Variants in STAT3 observed in about 807,000 individuals in gnomAD.
STAT3 encodes the protein signal transducer and activator of transcription 3, also known as DNA-binding protein APRF.
In STAT3, 7 loss-of-function variants were observed where a neutral mutation model predicts 114.3. The observed-to-expected ratio is 0.06, with a 90% CI of 0.03 to 0.11. The LOEUF (loss-of-function observed/expected upper bound fraction) is 0.11, where lower values mean the gene tolerates loss of function less well. Among genes scored for constraint, STAT3 ranks in the 10% least tolerant of loss-of-function variants. The pLI is 1.00. For synonymous variants in STAT3, 331 were observed against 354.5 expected (o/e 0.93, Z 0.74); for missense variants, 364 against 960.9 (o/e 0.38, Z 8.21).
chr17:42,329,747 CCT>C lies in STAT3; in HGVS notation c.1137_1138del (p.Gly380IlefsTer5). On this transcript the variant is annotated frameshift_variant and splice_region_variant, in exon 12 of 24. Transcript: ENST00000264657. LOFTEE classifies it high-confidence loss of function. ...AAGGAAGCCTCTAGGCTGAACTTAC[CCT>C]CTGAGAGCTGCAACGTCCCCAGAGT... 6.2e-7 allele frequency: 1 copy of C among 1,614,178 alleles called. No individual in the cohort carries two copies. Among genetic ancestry groups the C allele is most frequent in the Non-Finnish European group, 8.5e-7 (1 of 1,180,026 alleles).
chr17:42,346,531 G>C (rs779138097), intron 3 of STAT3, 38 bp downstream of exon 3: 1 of 1,613,796 alleles, frequency 6.2e-7, no homozygotes, highest in Non-Finnish European at 8.5e-7. Context: ...CCGACTCTGC[G>C]GGTCCTGTTT....
At chr17:42,373,012 C>T (rs1388034456) in intron 1 of STAT3, among the ~76,000 whole-genome samples, 4 of 152,140 alleles carry the variant, frequency 2.6e-5, no homozygotes, top group African/African-American at 9.7e-5. Flanking sequence ...TGGAAACTCT[C>T]TGTACTTTCC....
chr17:42,367,946 C>T (rs922220776), intron 1 of STAT3, among the ~76,000 whole-genome samples: 5 of 152,204 alleles, frequency 3.3e-5, no homozygotes, highest in Admixed American at 3.3e-4. Flanking sequence ...GCATAAACTG[C>T]CCTTCCTTAA....
intron 1 of STAT3, among the ~76,000 whole-genome samples, chr17:42,357,035 G>A (rs1291476401): frequency 6.6e-6 from 1 of 152,094 alleles, no homozygotes; most frequent in Admixed American, 6.6e-5. Flanking sequence ...TGATCTGCCT[G>A]CCTCAGCCTC....
At chr17:42,342,909 ATCT>A (rs1371018609) in intron 4 of STAT3, among the ~76,000 whole-genome samples, 1 of 150,716 alleles carries the variant, frequency 6.6e-6, no homozygotes, top group Non-Finnish European at 1.5e-5. Context: ...TTTGAACATG[ATCT>A]TCTTTCTGCC....
intron 3 of STAT3, among the ~76,000 whole-genome samples, 158 bp from the exon 4 acceptor site, chr17:42,345,815 G>A (rs1042099271): frequency 2.1e-4 from 31 of 149,952 alleles, no homozygotes; most frequent in African/African-American, 6.2e-4. Flanking sequence ...GCTCTCTGTC[G>A]GCGGGGGGCG....
rs753951483 is a variant in STAT3, at chr17:42,315,830, A to T, written c.2258-30T>A. ...AGGGACAGACAGGGAAAACTAGTTC[A>T]GTTGTCCACCCTCTGCAACTGGCAG... On this transcript the variant is annotated intron_variant, in intron 23 of 23. Coordinates refer to ENST00000264657, the MANE Select transcript of STAT3 (RefSeq NM_139276.3). 12 of 1,613,940 alleles carry T rather than the reference A, an allele frequency of 7.4e-6. 1 individual carries two copies. The South Asian group carries it at 1.3e-4, about 18-fold the overall frequency.
chr17:42,326,958 A>G (rs989479587), intron 14 of STAT3, among the ~76,000 whole-genome samples: 15 of 152,334 alleles, frequency 9.8e-5, no homozygotes, highest in Non-Finnish European at 1.5e-4. Context: ...AGGTGGTCAC[A>G]AACAAACTGC....
Position 42,337,470 on chromosome 17 carries a change from G to T in STAT3, c.762C>A (p.Gly254=). 1 of 1,614,130 alleles carries T rather than the reference G, an allele frequency of 6.2e-7. No individual in the cohort carries two copies. Among genetic ancestry groups the T allele is most frequent in the Non-Finnish European group, 8.5e-7 (1 of 1,180,022 alleles). Residue 254 remains glycine (G), a synonymous_variant, in exon 8 of 24, where the codon GGC becomes GGA. Coordinates refer to ENST00000264657, the MANE Select transcript of STAT3 (RefSeq NM_139276.3). This position sits in a 1 kb window ranked among gnomAD's most constrained non-coding sequence, Gnocchi z 4.0. The stretch of plus-strand genomic sequence containing the variant: ...GCCGATCTAGGCAGATGTTGGGCGG[G>T]CCTCCAATGCAGGCAATCTGTTGCC... ...KRRQQIACIG[G]PPNICLDRLE...
chr17:42,340,385 G>A (rs556927041), intron 4 of STAT3, among the ~76,000 whole-genome samples: 1 of 151,678 alleles, frequency 6.6e-6, no homozygotes, highest in South Asian at 2.1e-4. Context: ...TACAGGCTTG[G>A]GCTAGGCATG....
At chr17:42,329,960 T>A (rs559319633) in intron 11 of STAT3, among the ~76,000 whole-genome samples, 184 bp from the exon 12 acceptor site, 3 of 152,192 alleles carry the variant, frequency 2.0e-5, no homozygotes, top group African/African-American at 4.8e-5. Flanking sequence ...GTTGGTTGCC[T>A]CCCCATAGGA....
In STAT3 at chr17:42,333,238, A is replaced by G. The variant is rs2082097617; in HGVS notation, c.1049+435T>C. On this transcript the variant is annotated intron_variant, in intron 10 of 23. Coordinates refer to ENST00000264657, the MANE Select transcript of STAT3 (RefSeq NM_139276.3). The surrounding 1 kb of genome is among the most constrained non-coding windows in gnomAD (Gnocchi z 5.2). ...CTGCAGAAGGTCAAAACCCCAGCACACCTGTTCTGACTTGAGTGTGAAAGT... is the reference window on the plus strand; with the variant it reads ...CTGCAGAAGGTCAAAACCCCAGCACGCCTGTTCTGACTTGAGTGTGAAAGT... Among the ~76,000 whole-genome samples the G allele has an allele frequency of 6.6e-6, 1 of 152,050 alleles. No homozygotes were observed. Among genetic ancestry groups the G allele is most frequent in the South Asian group, 2.1e-4 (1 of 4,834 alleles).
intron 1 of STAT3, 89 bp from the exon 2 acceptor site, chr17:42,348,628 T>C (rs2082803708): frequency 2.0e-6 from 3 of 1,474,624 alleles, no homozygotes; most frequent in Non-Finnish European, 2.8e-6. Flanking sequence ...AGGTGTCAGG[T>C]CTGTGACTAG....
intron 1 of STAT3, among the ~76,000 whole-genome samples, chr17:42,366,883 G>C (rs1321768564): frequency 6.6e-6 from 1 of 151,758 alleles, no homozygotes; most frequent in Non-Finnish European, 1.5e-5. Context: ...GCTCAAACCT[G>C]TCATCCCAGC....
chr17:42,384,460 AAG>A (rs1375034000), intron 1 of STAT3, among the ~76,000 whole-genome samples: 1 of 151,760 alleles, frequency 6.6e-6, no homozygotes, highest in African/African-American at 2.4e-5. Flanking sequence ...TCCCCTACAA[AAG>A]AACAGAACTG....
chr17:42,377,106 T>C (rs1010322845), intron 1 of STAT3, among the ~76,000 whole-genome samples: 1 of 152,190 alleles, frequency 6.6e-6, no homozygotes, highest in Admixed American at 6.5e-5. Flanking sequence ...TGACTCAAAA[T>C]AAGGTTCCTC....
rs1365156562 is a variant in STAT3, at chr17:42,324,548, C to T, written c.1600+163G>A. Among the ~76,000 whole-genome samples the T allele has an allele frequency of 1.3e-5, 2 of 152,066 alleles. No homozygotes were observed. The highest frequency in any genetic ancestry group is 2.9e-5 in the Non-Finnish European group (2 of 68,012). ...CTGAAAACTGCAAACTGTCTCTGCACCCCAACTCCCCAACTCCCCTGTTTC... is the reference window on the plus strand; with the variant it reads ...CTGAAAACTGCAAACTGTCTCTGCATCCCAACTCCCCAACTCCCCTGTTTC... On this transcript the variant is annotated intron_variant, in intron 17 of 23. Transcript: ENST00000264657. The surrounding 1 kb of genome is among the most constrained non-coding windows in gnomAD (Gnocchi z 4.5).
Position 42,350,240 on chromosome 17 carries a change from AGCACTG to A in STAT3, c.-23-1707_-23-1702del, listed in dbSNP as rs1414850344. ...AGAAGGCACGAAGAAGCACCTAGTT[AGCACTG>A]GCTTTTTCATAAAAATGACTGAGCA... is the stretch of plus-strand genomic sequence containing the variant. On this transcript the variant is annotated intron_variant, in intron 1 of 23. Coordinates refer to ENST00000264657, the MANE Select transcript of STAT3 (RefSeq NM_139276.3). Among the ~76,000 whole-genome samples, 84 of 152,302 alleles carry A rather than the reference AGCACTG, an allele frequency of 5.5e-4. 1 individual carries two copies. The East Asian group carries it at 0.013, about 24-fold the overall frequency.
chr17:42,327,228 G>A (rs1460958573), intron 14 of STAT3, among the ~76,000 whole-genome samples: 1 of 151,466 alleles, frequency 6.6e-6, no homozygotes, highest in African/African-American at 2.4e-5. Flanking sequence ...AGAAATAACT[G>A]CTATTTTGTC....
Sources: allele counts gnomAD v4.1 joint callset (sites outside exome capture counted in the v4.1 genomes callset), GRCh38; gene constraint gnomAD v4.1.1; non-coding constraint Gnocchi (gnomAD v3.1); transcripts MANE v1.5; gene names NCBI Gene and HGNC (gene_info 2026-07-23, HGNC 2026-07-21).